The following RBFOX3 variants were observed in gnomAD, a reference collection of about 807,000 sequenced individuals.
The protein encoded by RBFOX3 is RNA binding fox-1 homolog 3.
Under a neutral mutation model 48.7 loss-of-function variants are expected in RBFOX3, and 17 were observed. The observed-to-expected ratio is 0.35, with a 90% confidence interval of 0.24 to 0.52. The LOEUF is 0.52. RBFOX3 is among the 20% of genes least tolerant of loss of function. The pLI, the probability that RBFOX3 is intolerant of heterozygous loss-of-function variation, is 0.94. For missense variants in RBFOX3, 382 were observed against 497.5 expected, an observed-to-expected ratio of 0.77 and a Z score of 2.21; for synonymous variants, 212 against 209.5, an observed-to-expected ratio of 1.01 and a Z score of -0.10.
In RBFOX3 at chr17:79,096,737, G is replaced by A; in HGVS notation, c.852C>T (p.Pro284=). 1.3e-6 allele frequency: 2 copies of A among 1,536,262 alleles called. No homozygotes were observed. Among genetic ancestry groups the A allele is most frequent in the Non-Finnish European group, 1.8e-6 (2 of 1,132,984 alleles). Residue 284 remains proline, a synonymous_variant, in exon 12 of 15, where the codon CCC becomes CCT. Transcript: ENST00000693108. The part of the protein sequence containing the change: ...PPQQTPEPAY[P]TSPAFPPLSC... ...AAAGTGGTGGGAACGCTGGAGAGGT[G>A]GGGTAGGCCGGCTCCGGTGTCTGCT...
At chr17:79,112,904 C>CGGG (rs1271126513) in intron 5 of RBFOX3, among the ~76,000 whole-genome samples, 21 of 10,352 alleles carry the variant, frequency 2.0e-3, no homozygotes, top group African/African-American at 5.5e-3. Flanking sequence ...AGCAGGCTCT[C>CGGG]GGGGGGGGGG....
At chr17:79,316,443 C>T (rs187693526) in intron 2 of RBFOX3, among the ~76,000 whole-genome samples, 163 of 152,288 alleles carry the variant, frequency 1.1e-3, no homozygotes, top group Non-Finnish European at 1.2e-3. Context: ...TGGGCAGGGG[C>T]GATGGCTCCC....
At chr17:79,645,326 C>T in the RBFOX3 span, among the ~76,000 whole-genome samples, 1 of 152,058 alleles carries the variant, frequency 6.6e-6, no homozygotes, top group African/African-American at 2.4e-5. Context: ...CCTCCTCCTC[C>T]TGACTAGCCA....
At chr17:79,381,872 G>T (rs1009702667) in intron 2 of RBFOX3, among the ~76,000 whole-genome samples, 1 of 152,170 alleles carries the variant, frequency 6.6e-6, no homozygotes, top group African/African-American at 2.4e-5. Flanking sequence ...CAGACAGAAG[G>T]GAACCAGCCT....
intron 2 of RBFOX3, among the ~76,000 whole-genome samples, chr17:79,373,533 G>A (rs1279612247): frequency 1.3e-5 from 2 of 152,050 alleles, no homozygotes; most frequent in East Asian, 3.9e-4. Flanking sequence ...CCAGACGGGT[G>A]CTTACCTGAA....
Position 79,195,280 on chromosome 17 carries a change from C to T in RBFOX3, c.-34+40486G>A, listed in dbSNP as rs1400381305. On this transcript the variant is annotated intron_variant, in intron 4 of 14. Transcript: ENST00000693108. This position sits in a 1 kb window ranked among gnomAD's most constrained non-coding sequence, Gnocchi z 5.3. ...GACATGGTGGTGGCTCTCGTGCGTACAGTCCCAGCTACTCAGGAGGCTGAG... is the reference window on the plus strand; with the variant it reads ...GACATGGTGGTGGCTCTCGTGCGTATAGTCCCAGCTACTCAGGAGGCTGAG... Among the ~76,000 whole-genome samples the T allele has an allele frequency of 1.3e-5, 2 of 151,996 alleles. No homozygotes were observed. The highest frequency in any genetic ancestry group is 1.3e-4 in the Admixed American group (2 of 15,266).
chr17:79,537,130 A>C (rs1555788920), intron 1 of RBFOX3, among the ~76,000 whole-genome samples: 1 of 151,816 alleles, frequency 6.6e-6, no homozygotes, highest in Non-Finnish European at 1.5e-5. Flanking sequence ...AAAAAAAAAA[A>C]ACCAAAAAAG....
intron 2 of RBFOX3, among the ~76,000 whole-genome samples, chr17:79,366,739 T>G (rs1479142757): frequency 6.6e-6 from 1 of 152,220 alleles, no homozygotes; most frequent in Non-Finnish European, 1.5e-5. Flanking sequence ...GGCTTCTGCC[T>G]GTGGACACTG....
intron 6 of RBFOX3, among the ~76,000 whole-genome samples, chr17:79,105,520 G>C (rs555481226): frequency 6.6e-6 from 1 of 152,314 alleles, no homozygotes; most frequent in South Asian, 2.1e-4. Flanking sequence ...CAGAGTCCTT[G>C]CCATCTGATG....
At chr17:79,611,130 T>TCTCTCCCTCTCTCTCTC (rs1491548376), upstream of RBFOX3, among the ~76,000 whole-genome samples, 1 of 37,846 alleles carries the variant, frequency 2.6e-5, no homozygotes, top group Non-Finnish European at 4.3e-5. Context: ...TCCGCCCTCC[T>TCTCTCCCTCTCTCTCTC]TCTCTCTCTC....
intron 2 of RBFOX3, among the ~76,000 whole-genome samples, chr17:79,414,170 C>T (rs2064931928): frequency 1.3e-5 from 2 of 152,120 alleles, no homozygotes; most frequent in African/African-American, 4.8e-5. Context: ...CAGGGCCACA[C>T]TCCTGTCCAT....
At position 79,100,585 on chromosome 17, in the gene RBFOX3, G is replaced by A. The variant is rs540250514; in HGVS notation, c.568+999C>T. ...TTGTCACCTGACTCCACGTATGGCC[G>A]ATCACATGGGGGGCCATGAGAGGCT... On this transcript the variant is annotated intron_variant, in intron 9 of 14. Coordinates refer to ENST00000693108, the MANE Select transcript of RBFOX3 (RefSeq NM_001350451.2). 3.9e-5 allele frequency among the ~76,000 whole-genome samples: 6 copies of A among 152,204 alleles called. No homozygotes were observed. The South Asian group carries it at 6.2e-4, about 16-fold the overall frequency.
intron 1 of RBFOX3, among the ~76,000 whole-genome samples, chr17:79,517,935 T>G (rs1014576556): frequency 6.6e-6 from 1 of 152,164 alleles, no homozygotes; most frequent in Non-Finnish European, 1.5e-5. Context: ...GACCCGGTAT[T>G]GATCCTGAAG....
chr17:79,500,009 G>C (rs2082166650), intron 1 of RBFOX3, among the ~76,000 whole-genome samples: 1 of 152,226 alleles, frequency 6.6e-6, no homozygotes, highest in Non-Finnish European at 1.5e-5. Flanking sequence ...AGGTGGAAGA[G>C]ATGGTGAGCC....
At position 79,097,349 on chromosome 17, in the gene RBFOX3, G is replaced by T. The variant is rs1463630530; in HGVS notation, c.698C>A (p.Ala233Asp). The T allele has an allele frequency of 1.3e-6, 2 of 1,548,822 alleles. No homozygotes were observed. Among genetic ancestry groups the T allele is most frequent in the Non-Finnish European group, 1.7e-6 (2 of 1,146,298 alleles). ...RGAHLRGRGR[A>D]VYNTFRAAPP... is the part of the protein sequence containing the mutation. ...CGCAGCCCGAAATGTATTATACACG[G>T]CCCGGCCCCGGCCCCGAAGATGTGC... Residue 233 changes from alanine (A) to aspartate (D), a missense_variant, in exon 11 of 15, where the codon GCC becomes GAC. Ala to Asp is a moderately radical substitution (Grantham distance 126). This residue lies in a region of RBFOX3 where 215 missense variants were observed against 254.8 expected (regional missense o/e 0.84). Transcript: ENST00000693108.
intron 1 of RBFOX3, among the ~76,000 whole-genome samples, chr17:79,503,792 C>G (rs956346169): frequency 6.6e-6 from 1 of 152,218 alleles, no homozygotes; most frequent in Non-Finnish European, 1.5e-5. Flanking sequence ...CCTACACAGG[C>G]TCTAAAGCCA....
chr17:79,242,185 G>A lies in RBFOX3; in HGVS notation c.-73-6380C>T, dbSNP rs2062475300. Among the ~76,000 whole-genome samples, 1 of 152,184 alleles carries A rather than the reference G, an allele frequency of 6.6e-6. No individual in the cohort carries two copies. The highest frequency in any genetic ancestry group is 6.5e-5 in the Admixed American group (1 of 15,276). On this transcript the variant is annotated intron_variant, in intron 3 of 14. Coordinates refer to ENST00000693108, the MANE Select transcript of RBFOX3 (RefSeq NM_001350451.2). The surrounding 1 kb of genome is among the most constrained non-coding windows in gnomAD (Gnocchi z 5.8). ...AAGACCTTGGGAGCTCTGGTTCCCA[G>A]CGTGCTGCTGCTGCTGGTGGAGGGG...
chr17:79,170,143 A>G (rs1422409083), intron 4 of RBFOX3, among the ~76,000 whole-genome samples: 2 of 111,244 alleles, frequency 1.8e-5, no homozygotes, highest in African/African-American at 8.5e-5. Flanking sequence ...GGAAGGAGGG[A>G]AGGAAGGAAG....
At chr17:79,291,247 C>A (rs966027974) in intron 3 of RBFOX3, among the ~76,000 whole-genome samples, 6 of 152,192 alleles carry the variant, frequency 3.9e-5, no homozygotes, top group Admixed American at 2.0e-4. Flanking sequence ...ATCAATGGAG[C>A]ATTCTTTGTG....
Sources: gnomAD v4.1 joint callset for allele counts (sites outside exome capture counted in the v4.1 genomes callset) on GRCh38, gnomAD v4.1.1 for gene constraint, gnomAD v4.1.1 regional missense constraint, Gnocchi (gnomAD v3.1) non-coding constraint, MANE v1.5 for transcripts, NCBI Gene and HGNC (gene_info 2026-07-23, HGNC 2026-07-21) for gene names.